Variants in PXK observed in about 807,000 individuals in gnomAD.
PXK encodes PX domain containing serine/threonine kinase like, also known as PX domain-containing protein kinase-like protein.
A neutral mutation model predicts 84.7 loss-of-function variants in PXK; 35 were observed. The observed-to-expected ratio is 0.41, with a 90% CI of 0.32 to 0.55. The LOEUF (loss-of-function observed/expected upper bound fraction) is 0.55. Among genes scored for constraint, PXK ranks in the 20% least tolerant of loss-of-function variants. PXK has a pLI of 0.21. For synonymous variants in PXK, 253 were observed against 260.8 expected (o/e 0.97, Z 0.29); for missense variants, 634 against 699.7 (o/e 0.91, Z 1.06).
chr3:58,334,953 G>GTGTC lies in PXK; in HGVS notation c.102+1866_102+1867insCTGT, dbSNP rs1553732728. On this transcript the variant is annotated intron_variant, in intron 1 of 17. Coordinates refer to ENST00000356151, the MANE Select transcript of PXK (RefSeq NM_017771.5). ...GGTGTGTGTGTGTGTGTGTGTGTGT[G>GTGTC]TGTGTCTGTGTGTGTGTGTGTGTGT... 4.2e-3 allele frequency among the ~76,000 whole-genome samples: 561 copies of GTGTC among 134,262 alleles called. 6 individuals are homozygous for GTGTC. The highest frequency in any genetic ancestry group is 0.012 in the Admixed American group (153 of 12,774). 88.1% of individuals were successfully genotyped at this position (134,262 alleles called of 152,430 possible).
In PXK at chr3:58,397,543, G is replaced by A. The variant is rs2057891835; in HGVS notation, c.985-62G>A. On this transcript the variant is annotated intron_variant, in intron 10 of 17. Transcript: ENST00000356151. The surrounding 1 kb of genome is among the most constrained non-coding windows in gnomAD (Gnocchi z 4.7). ...GTTTCTCAGAGAAGCCTTGGGGCAG[G>A]AGCGCGAGGGTCCACAAAGCCAAAG... is the stretch of plus-strand genomic sequence containing the variant. The A allele has an allele frequency of 1.5e-6, 2 of 1,355,896 alleles. No individual in the cohort carries two copies. Among genetic ancestry groups the A allele is most frequent in the Non-Finnish European group, 2.1e-6 (2 of 945,974 alleles). The allele number at this position is 1,355,896 out of a possible 1,614,324, so 84.0% of individuals were successfully genotyped here. A position where few individuals can be genotyped will look rare whatever the true frequency, so the allele number is the denominator to read the frequency against.
chr3:58,368,450 G>A (rs2098311541), intron 2 of PXK, among the ~76,000 whole-genome samples: 1 of 152,136 alleles, frequency 6.6e-6, no homozygotes, highest in Admixed American at 6.5e-5. Flanking sequence ...TGCCTCCCGA[G>A]TAGCTGAGGC....
chr3:58,345,047 C>G (rs550961618), intron 1 of PXK, among the ~76,000 whole-genome samples: 1 of 152,280 alleles, frequency 6.6e-6, no homozygotes, highest in South Asian at 2.1e-4. Flanking sequence ...CTTCTGCGTG[C>G]CAGGCACTGT....
rs533871827 is a variant in PXK, at chr3:58,417,050, G to A, written c.1528+4087G>A. ...CTTCTGAGAGGCTGGGACTATAGGC[G>A]TGCACCACCACATCCAGCTAATTTT... On this transcript the variant is annotated intron_variant, in intron 17 of 17. Coordinates refer to ENST00000356151, the MANE Select transcript of PXK (RefSeq NM_017771.5). 1.4e-4 allele frequency among the ~76,000 whole-genome samples: 22 copies of A among 152,252 alleles called. 1 individual carries two copies. The highest frequency in any genetic ancestry group is 1.0e-3 in the Admixed American group (16 of 15,296).
intron 3 of PXK, among the ~76,000 whole-genome samples, chr3:58,380,988 C>T (rs1400844129): frequency 6.6e-6 from 1 of 152,108 alleles, no homozygotes; most frequent in Non-Finnish European, 1.5e-5. Context: ...GTGGCTCACG[C>T]CTGTAATCCC....
In PXK at chr3:58,385,144, C is replaced by T. The variant is rs1382016800; in HGVS notation, c.388+2444C>T. On this transcript the variant is annotated intron_variant, in intron 4 of 17. Transcript: ENST00000356151. This position sits in a 1 kb window ranked among gnomAD's most constrained non-coding sequence, Gnocchi z 5.1. The stretch of plus-strand genomic sequence containing the variant: ...CTACTCCCCCTCCCCACCCCCAGGC[C>T]TCCAGCATGGTAGAGAGTCAGGAGT... Among the ~76,000 whole-genome samples the T allele has an allele frequency of 2.0e-5, 3 of 152,174 alleles. No homozygotes were observed. The highest frequency in any genetic ancestry group is 6.5e-5 in the Admixed American group (1 of 15,272).
chr3:58,378,504 T>TGTGTGTGTGTG (rs1168148178), intron 3 of PXK, among the ~76,000 whole-genome samples: 5 of 72,726 alleles, frequency 6.9e-5, no homozygotes, highest in African/African-American at 2.5e-4. Flanking sequence ...TTTTTTTTTT[T>TGTGTGTGTGTG]TTTTTTTTTG....
chr3:58,353,830 T>C (rs1189468896), intron 1 of PXK, among the ~76,000 whole-genome samples: 2 of 152,154 alleles, frequency 1.3e-5, no homozygotes, highest in African/African-American at 2.4e-5. Context: ...AGGGTTTGCA[T>C]GGGAAGAAAG....
At chr3:58,354,407 A>C (rs1343197777) in intron 1 of PXK, among the ~76,000 whole-genome samples, 1 of 150,392 alleles carries the variant, frequency 6.6e-6, no homozygotes, top group African/African-American at 2.4e-5. Flanking sequence ...CCTTCCACTC[A>C]TGCAAGGTTT....
chr3:58,422,047 A>G, intron 17 of PXK: 1 of 985,336 alleles, frequency 1.0e-6, no homozygotes, highest in Non-Finnish European at 1.2e-6. Context: ...TCACAGGCCA[A>G]ATGGTAACTT....
Position 58,400,496 on chromosome 3 carries a change from C to T in PXK, c.1181+1119C>T, listed in dbSNP as rs912098043. On this transcript the variant is annotated intron_variant, in intron 12 of 17. Transcript: ENST00000356151. This position sits in a 1 kb window ranked among gnomAD's most constrained non-coding sequence, Gnocchi z 4.0. ...TGTTTAGAGAGGGCCTTCTGGAGGC[C>T]AGCTGCTGTCCTAGGCACTGTAATG... 2.0e-5 allele frequency among the ~76,000 whole-genome samples: 3 copies of T among 152,136 alleles called. No homozygotes were observed. The highest frequency in any genetic ancestry group is 7.2e-5 in the African/African-American group (3 of 41,422).
chr3:58,337,913 T>C (rs2097652294), intron 1 of PXK, among the ~76,000 whole-genome samples: 1 of 152,222 alleles, frequency 6.6e-6, no homozygotes, highest in South Asian at 2.1e-4. Flanking sequence ...TCAAATGTAA[T>C]GGCAAATTAG....
chr3:58,411,604 GTGTGCTCTCTACCTTCTAAGA>G lies in PXK; in HGVS notation c.1466-1296_1466-1276del, dbSNP rs2060214830. Among the ~76,000 whole-genome samples the G allele has an allele frequency of 6.6e-6, 1 of 152,178 alleles. No individual in the cohort carries two copies. The highest frequency in any genetic ancestry group is 2.4e-5 in the African/African-American group (1 of 41,430). On this transcript the variant is annotated intron_variant, in intron 16 of 17. Coordinates refer to ENST00000356151, the MANE Select transcript of PXK (RefSeq NM_017771.5). The surrounding 1 kb of genome is among the most constrained non-coding windows in gnomAD (Gnocchi z 4.2). ...TTTATAGAGCAGAGAAAGCCTGACA[GTGTGCTCTCTACCTTCTAAGA>G]CCCTGCCTGCCTGCAAAGCTGTGTC...
Position 58,399,507 on chromosome 3 carries a change from A to G in PXK, c.1181+130A>G. The G allele has an allele frequency of 1.2e-6, 1 of 844,714 alleles. No individual in the cohort carries two copies. The highest frequency in any genetic ancestry group is 2.7e-5 in the East Asian group (1 of 37,688). 52.3% of individuals were successfully genotyped at this position (844,714 alleles called of 1,614,324 possible). A position where few individuals can be genotyped will look rare whatever the true frequency, so the allele number is the denominator to read the frequency against. ...CAGAGTTGGCGTGGCCTGCTTGCTGATGGGCACTTGCAGCATGATATCCTC... is the reference window on the plus strand; with the variant it reads ...CAGAGTTGGCGTGGCCTGCTTGCTGGTGGGCACTTGCAGCATGATATCCTC... On this transcript the variant is annotated intron_variant, in intron 12 of 17. Coordinates refer to ENST00000356151, the MANE Select transcript of PXK (RefSeq NM_017771.5). This position sits in a 1 kb window ranked among gnomAD's most constrained non-coding sequence, Gnocchi z 4.3.
chr3:58,401,988 C>A lies in PXK; in HGVS notation c.1182-1874C>A, dbSNP rs1326498105. ...CTGTAGTTCCAGCTACTCAGGAGGCCAAGATGGGAGGATTGATTGAGCCCA... is the reference window on the plus strand; with the variant it reads ...CTGTAGTTCCAGCTACTCAGGAGGCAAAGATGGGAGGATTGATTGAGCCCA... On this transcript the variant is annotated intron_variant, in intron 12 of 17. Coordinates refer to ENST00000356151, the MANE Select transcript of PXK (RefSeq NM_017771.5). The surrounding 1 kb of genome is among the most constrained non-coding windows in gnomAD (Gnocchi z 4.4). Among the ~76,000 whole-genome samples, 1 of 152,042 alleles carries A rather than the reference C, an allele frequency of 6.6e-6. No homozygotes were observed. The highest frequency in any genetic ancestry group is 1.5e-5 in the Non-Finnish European group (1 of 68,006).
At chr3:58,417,930 C>G (rs1292193562) in intron 17 of PXK, among the ~76,000 whole-genome samples, 1 of 152,196 alleles carries the variant, frequency 6.6e-6, no homozygotes, top group Non-Finnish European at 1.5e-5. Flanking sequence ...CAGCCTTAAC[C>G]TCCCACCTCA....
At position 58,412,565 on chromosome 3, in the gene PXK, T is replaced by C. The variant is rs2060359564; in HGVS notation, c.1466-336T>C. On this transcript the variant is annotated intron_variant, in intron 16 of 17. Transcript: ENST00000356151. This position sits in a 1 kb window ranked among gnomAD's most constrained non-coding sequence, Gnocchi z 6.2. ...CTGTACCACTTGTGGCTTCTGTCAT[T>C]TGTCATTACCCAGGAGTGGAGGTTG... is the stretch of plus-strand genomic sequence containing the variant. Among the ~76,000 whole-genome samples, 1 of 152,132 alleles carries C rather than the reference T, an allele frequency of 6.6e-6. No homozygotes were observed. Among genetic ancestry groups the C allele is most frequent in the Non-Finnish European group, 1.5e-5 (1 of 68,016 alleles).
chr3:58,397,075 G>C lies in PXK; in HGVS notation c.859G>C (p.Gly287Arg). The C allele has an allele frequency of 6.2e-7, 1 of 1,614,180 alleles. No individual in the cohort carries two copies. Reference protein sequence around the residue: ...KFLHDKGFPYGHLHASNVMLD... With the variant: ...KFLHDKGFPYRHLHASNVMLD... ...TCTTCATGACAAGGGATTCCCTTAT[G>C]GGCATCTTCACGCCTCCAATGTGAT... The change falls in exon 10 of 18, where the codon GGG becomes CGG. Residue 287 changes from glycine (G) to arginine (R), a missense_variant. Gly to Arg is a moderately radical substitution (Grantham distance 125). Coordinates refer to ENST00000356151, the MANE Select transcript of PXK (RefSeq NM_017771.5). This position sits in a 1 kb window ranked among gnomAD's most constrained non-coding sequence, Gnocchi z 4.7.
intron 1 of PXK, among the ~76,000 whole-genome samples, chr3:58,352,402 T>G (rs1183512367): frequency 6.6e-6 from 1 of 152,220 alleles, no homozygotes; most frequent in African/African-American, 2.4e-5. Context: ...GGATCCGAGT[T>G]TCTATGTTGT....
Sources: gnomAD v4.1 joint callset for allele counts (sites outside exome capture counted in the v4.1 genomes callset) on GRCh38, gnomAD v4.1.1 for gene constraint, Gnocchi (gnomAD v3.1) non-coding constraint, MANE v1.5 for transcripts, NCBI Gene and HGNC (gene_info 2026-07-23, HGNC 2026-07-21) for gene names.